The following PCM1 variants were observed in gnomAD, a reference collection of about 807,000 sequenced individuals.
The protein encoded by PCM1 is pericentriolar material 1 protein.
Under a neutral mutation model 241.9 loss-of-function variants are expected in PCM1, and 157 were observed. The ratio of observed to expected loss-of-function variants is 0.65; its 90% CI spans 0.57 to 0.74. The LOEUF (loss-of-function observed/expected upper bound fraction) is 0.74, where lower values mean the gene tolerates loss of function less well. Among genes scored for constraint, PCM1 ranks in the 30% least tolerant of loss-of-function variants. The pLI is 0.00. For synonymous variants in PCM1, 1,085 were observed against 784.9 expected (o/e 1.38, Z -6.39); for missense variants, 3,478 against 2,360.1 (o/e 1.47, Z -9.81).
intron 15 of PCM1, among the ~76,000 whole-genome samples, chr8:17,961,168 A>C (rs2071739039): frequency 6.6e-6 from 1 of 152,200 alleles, no homozygotes; most frequent in South Asian, 2.1e-4. Context: ...ACTTTTGCTT[A>C]TTAACTAGGA....
chr8:17,953,381 A>G (rs2066808368), intron 9 of PCM1, among the ~76,000 whole-genome samples, 195 bp downstream of exon 9: 1 of 152,248 alleles, frequency 6.6e-6, no homozygotes, highest in Non-Finnish European at 1.5e-5. Context: ...AATCAGTTTT[A>G]TAATTCAGAA....
intron 21 of PCM1, 171 bp from the exon 22 acceptor site, chr8:17,969,406 T>TG (rs746037276): frequency 2.2e-5 from 12 of 540,602 alleles, no homozygotes; most frequent in Non-Finnish European, 3.8e-5. Flanking sequence ...TAAAACATAG[T>TG]GGCCTAAGCT....
intron 36 of PCM1, among the ~76,000 whole-genome samples, chr8:18,021,852 C>T (rs539835136): frequency 4.5e-4 from 69 of 152,294 alleles, no homozygotes; most frequent in African/African-American, 1.7e-3. Context: ...AATACCAGAA[C>T]CCCATGTATC....
chr8:18,018,736 G>C (rs1312072593), intron 36 of PCM1, among the ~76,000 whole-genome samples: 1 of 150,782 alleles, frequency 6.6e-6, no homozygotes, highest in Non-Finnish European at 1.5e-5. Context: ...GCTTGAACCC[G>C]GGAGGTGGAG....
chr8:17,983,260 C>G, intron 24 of PCM1: 3 of 1,324,936 alleles, frequency 2.3e-6, no homozygotes, highest in Non-Finnish European at 3.0e-6. Context: ...CTACAGCAGT[C>G]TAACAGAAAT....
intron 2 of PCM1, among the ~76,000 whole-genome samples, chr8:17,930,369 C>T (rs1489009873): frequency 1.3e-5 from 2 of 151,740 alleles, no homozygotes; most frequent in Admixed American, 6.5e-5. Context: ...TCCCAAAATG[C>T]TGGGATTACA....
chr8:17,942,560 A>G (rs2062450795), intron 6 of PCM1, among the ~76,000 whole-genome samples: 1 of 152,100 alleles, frequency 6.6e-6, no homozygotes, highest in Non-Finnish European at 1.5e-5. Flanking sequence ...TGCTTTTTTT[A>G]GAAAAATTAT....
At chr8:17,949,311 G>C (rs2065102162) in intron 7 of PCM1, among the ~76,000 whole-genome samples, 1 of 151,998 alleles carries the variant, frequency 6.6e-6, no homozygotes, top group African/African-American at 2.4e-5. Flanking sequence ...TTACCTCAAA[G>C]AGTGTCCCTT....
At chr8:17,994,190 T>C (rs975136622) in intron 29 of PCM1, among the ~76,000 whole-genome samples, 1 of 152,288 alleles carries the variant, frequency 6.6e-6, no homozygotes, top group East Asian at 1.9e-4. Context: ...CCTACTACCT[T>C]TCATAGCCTC....
intron 29 of PCM1, among the ~76,000 whole-genome samples, chr8:17,997,435 T>C (rs2087288386): frequency 6.6e-6 from 1 of 152,174 alleles, no homozygotes; most frequent in Non-Finnish European, 1.5e-5. Context: ...TTAAGCTTAC[T>C]ACCTCTGTCT....
intron 25 of PCM1, 85 bp from the exon 26 acceptor site, chr8:17,985,874 C>A: frequency 1.0e-6 from 1 of 976,776 alleles, no homozygotes; most frequent in Non-Finnish European, 1.5e-6. Context: ...TTCCTTCCAT[C>A]TGCTTTTATT....
intron 36 of PCM1, among the ~76,000 whole-genome samples, chr8:18,017,394 G>T (rs908697959): frequency 5.9e-5 from 9 of 152,334 alleles, no homozygotes; most frequent in Non-Finnish European, 1.5e-5. Context: ...GCAAGTCACT[G>T]ATATGGCTAT....
At chr8:17,964,434 G>A (rs1283789917) in intron 17 of PCM1, 134 bp from the exon 18 acceptor site, 5 of 635,874 alleles carry the variant, frequency 7.9e-6, no homozygotes, top group Non-Finnish European at 1.1e-5. Context: ...CCGTAGCATA[G>A]TTATTGTGAT....
In PCM1 at chr8:17,964,607, A is replaced by G. The variant is rs766002451; in HGVS notation, c.2694A>G (p.Leu898=). The change falls in exon 18 of 39, where the codon CTA becomes CTG. Residue 898 remains leucine (L), a synonymous_variant. Coordinates refer to ENST00000325083, the MANE Select transcript of PCM1 (RefSeq NM_006197.4). ...ATWGGSTQCA[L]DEEGDEDGYL... The stretch of plus-strand genomic sequence containing the variant: ...GGGGAGGGTCTACCCAGTGTGCACT[A>G]GATGAAGAAGGAGATGAAGACGGTT... 1.7e-5 allele frequency: 27 copies of G among 1,613,808 alleles called. No individual in the cohort carries two copies. The Admixed American group carries it at 4.5e-4, about 27-fold the overall frequency.
chr8:17,933,679 A>G (rs2059653033), intron 2 of PCM1, among the ~76,000 whole-genome samples: 1 of 152,202 alleles, frequency 6.6e-6, no homozygotes, highest in African/African-American at 2.4e-5. Context: ...TATAAGTAGC[A>G]TCGTTTAAGT....
At chr8:17,991,475 C>A in intron 27 of PCM1, 67 bp from the exon 28 acceptor site, 2 of 1,316,170 alleles carry the variant, frequency 1.5e-6, no homozygotes, top group Admixed American at 2.4e-5. Flanking sequence ...TTTATTAATG[C>A]ATTTTGAGGA....
rs988174672 is a variant in PCM1 at position 17,953,069 on chromosome 8, G to C, written c.1171G>C (p.Asp391His). The change falls in exon 9 of 39, where the codon GAT becomes CAT. Residue 391 changes from aspartate (D) to histidine (H), a missense_variant. Coordinates refer to ENST00000325083, the MANE Select transcript of PCM1 (RefSeq NM_006197.4). ...ACCATCAGCTTCAGAACGTTTACCTGATGAGAAAGTCGAACTTTTTAGCAA... is the reference window on the plus strand; with the variant it reads ...ACCATCAGCTTCAGAACGTTTACCTCATGAGAAAGTCGAACTTTTTAGCAA... ...RKPSASERLP[D>H]EKVELFSKMR... 1.9e-6 allele frequency: 3 copies of C among 1,606,140 alleles called. No homozygotes were observed. The African/African-American group carries it at 4.0e-5, about 21-fold the overall frequency.
At chr8:18,010,741 G>A (rs2092370634) in intron 32 of PCM1, 73 bp downstream of exon 32, 1 of 1,002,892 alleles carries the variant, frequency 1.0e-6, no homozygotes, top group Non-Finnish European at 1.5e-6. Flanking sequence ...GCAGCCCTTT[G>A]GGAGGCCAAG....
intron 13 of PCM1, 91 bp from the exon 14 acceptor site, chr8:17,959,922 TA>T: frequency 8.2e-7 from 1 of 1,217,440 alleles, no homozygotes; most frequent in Non-Finnish European, 1.2e-6. Flanking sequence ...TCTTTTTATG[TA>T]AATTTTACAG....
Sources: gnomAD v4.1 joint callset for allele counts (sites outside exome capture counted in the v4.1 genomes callset) on GRCh38, gnomAD v4.1.1 for gene constraint, MANE v1.5 for transcripts, NCBI Gene and HGNC (gene_info 2026-07-23, HGNC 2026-07-21) for gene names.